TMEM43: variants seen among roughly 807,000 people sequenced by gnomAD.
The protein encoded by TMEM43 is transmembrane protein 43.
In TMEM43, 45 loss-of-function variants were observed where a neutral mutation model predicts 49.6. That is an observed-to-expected ratio of 0.91 (90% CI 0.71 to 1.16). The LOEUF (loss-of-function observed/expected upper bound fraction) is 1.16. Among genes scored for constraint, TMEM43 ranks in the 50% most tolerant of loss-of-function variants. The pLI, the probability that TMEM43 is intolerant of heterozygous loss-of-function variation, is 0.00. For missense variants in TMEM43, 532 were observed against 516.6 expected, an observed-to-expected ratio of 1.03 and a Z score of -0.29; for synonymous variants, 199 against 207.8, an observed-to-expected ratio of 0.96 and a Z score of 0.36.
In TMEM43 at chr3:14,135,202, C is replaced by T. The variant is rs374222050; in HGVS notation, c.750C>T (p.Gly250=). 26 of 1,612,652 alleles carry T rather than the reference C, an allele frequency of 1.6e-5. No homozygotes were observed. The East Asian group carries it at 2.0e-4, about 12-fold the overall frequency. ...CCTTTTCCTATGCTGGACTGAGCGG[C>T]GATGACCCTGACCTGGGCCCAGCTC... ...RVSFSYAGLS[G]DDPDLGPAHV... The change falls in exon 9 of 12, where the codon GGC becomes GGT. Residue 250 remains glycine, a synonymous_variant. Transcript: ENST00000306077.
In TMEM43 at chr3:14,131,679, G is replaced by GCTGTTGGGGTGAAAACT. The variant is rs745331190; in HGVS notation, c.392+16_392+32dup. 3 of 1,611,008 alleles carry GCTGTTGGGGTGAAAACT rather than the reference G, an allele frequency of 1.9e-6. No individual in the cohort carries two copies. Among genetic ancestry groups the GCTGTTGGGGTGAAAACT allele is most frequent in the East Asian group, 2.2e-5 (1 of 44,864 alleles). On this transcript the variant is annotated splice_donor_region_variant and intron_variant, in intron 4 of 11. Transcript: ENST00000306077. ...GGTAGAAACTGAGGAGTCCAGGTGA[G>GCTGTTGGGGTGAAAACT]CTGTTGGGGTGAAAACTCTGTTGGG...
At chr3:14,126,494 C>G (rs535930089) in intron 1 of TMEM43, among the ~76,000 whole-genome samples, 12 of 152,262 alleles carry the variant, frequency 7.9e-5, no homozygotes, top group Admixed American at 5.9e-4. Context: ...GTTAGGGAGA[C>G]CTGGGGGCAA....
chr3:14,136,686 G>GCTCACGCAGCCGCCCCTCC (rs1574940075), intron 10 of TMEM43, among the ~76,000 whole-genome samples: 2 of 150,104 alleles, frequency 1.3e-5, no homozygotes, highest in Admixed American at 6.7e-5. Flanking sequence ...CCACAGCCCA[G>GCTCACGCAGCCGCCCCTCC]AGCGGGGAGA....
chr3:14,139,673 C>T (rs1036233052), intron 11 of TMEM43, among the ~76,000 whole-genome samples: 1 of 152,228 alleles, frequency 6.6e-6, no homozygotes, highest in Non-Finnish European at 1.5e-5. Flanking sequence ...GATGCTTGGC[C>T]GTTCCCTTCC....
chr3:14,136,537 C>T (rs1273746022), intron 10 of TMEM43, among the ~76,000 whole-genome samples: 1 of 152,202 alleles, frequency 6.6e-6, no homozygotes, highest in Non-Finnish European at 1.5e-5. Context: ...AGTGATCAAG[C>T]AGGGCCTCTG....
chr3:14,140,580 C>T (rs968901483), intron 11 of TMEM43, among the ~76,000 whole-genome samples: 4 of 152,174 alleles, frequency 2.6e-5, no homozygotes, highest in East Asian at 1.9e-4. Flanking sequence ...TGGGCCCATA[C>T]GGTCTTGAGT....
chr3:14,132,555 C>T lies in TMEM43; in HGVS notation c.402C>T (p.Thr134=), dbSNP rs370422391. 1.2e-4 allele frequency: 187 copies of T among 1,614,084 alleles called. No homozygotes were observed. The Middle Eastern group carries it at 1.3e-3, about 11-fold the overall frequency. ...TTTGCTTTCCCTGCAGGGAGTACACCGAGGATGGGCAGGTGAAGAAGGAGA... is the reference window on the plus strand; with the variant it reads ...TTTGCTTTCCCTGCAGGGAGTACACTGAGGATGGGCAGGTGAAGAAGGAGA... ...WVETEESREY[T]EDGQVKKETR... Residue 134 remains threonine (T), a synonymous_variant, in exon 5 of 12, where the codon ACC becomes ACT. Transcript: ENST00000306077.
Position 14,129,606 on chromosome 3 carries a change from A to G in TMEM43, c.162+45A>G, listed in dbSNP as rs370648194. On this transcript the variant is annotated intron_variant, in intron 2 of 11. Coordinates refer to ENST00000306077, the MANE Select transcript of TMEM43 (RefSeq NM_024334.3). ...CCTGTGCAGAGTGAGAGTCCCCACC[A>G]TGTCAGAGAGCAAAGGCGATGAACC... 1.1e-5 allele frequency: 18 copies of G among 1,610,218 alleles called. No homozygotes were observed. In the African/African-American group the frequency reaches 1.9e-4, roughly 17 times the overall value.
chr3:14,133,793 G>A lies in TMEM43; in HGVS notation c.567G>A (p.Arg189=), dbSNP rs747128659. Residue 189 remains arginine (R), a synonymous_variant, in exon 7 of 12, where the codon AGG becomes AGA. Transcript: ENST00000306077. ...MATAPFVQIG[R]FFLSSGLIDK... ...CAGCCCCCTTTGTCCAAATTGGCAG[G>A]TTTTTCCTCTCGTCAGGTAAGTCTC... is the stretch of plus-strand genomic sequence containing the variant. 2 of 1,614,180 alleles carry A rather than the reference G, an allele frequency of 1.2e-6. No individual in the cohort carries two copies. Among genetic ancestry groups the A allele is most frequent in the Non-Finnish European group, 1.7e-6 (2 of 1,180,004 alleles).
Position 14,125,107 on chromosome 3 carries a change from C to T in TMEM43, c.-87C>T. 1 of 1,562,942 alleles carries T rather than the reference C, an allele frequency of 6.4e-7. No homozygotes were observed. On this transcript the variant is annotated 5_prime_UTR_variant, in exon 1 of 12. Transcript: ENST00000306077. Reference sequence around the variant, plus strand: ...CGCGGATTTTCGAAGCTGGGGCTGGCAAGAGGCCGCTGGACACCACGCTCC... The same window carrying T: ...CGCGGATTTTCGAAGCTGGGGCTGGTAAGAGGCCGCTGGACACCACGCTCC...
chr3:14,127,536 C>G (rs1253486616), intron 1 of TMEM43, among the ~76,000 whole-genome samples: 1 of 152,178 alleles, frequency 6.6e-6, no homozygotes, highest in Non-Finnish European at 1.5e-5. Context: ...AATCCTAACT[C>G]TTCCTCTTAG....
At chr3:14,131,191 T>C (rs538394864) in intron 3 of TMEM43, among the ~76,000 whole-genome samples, 15 of 152,206 alleles carry the variant, frequency 9.9e-5, no homozygotes, top group Non-Finnish European at 2.1e-4. Flanking sequence ...TTGGTGAGAT[T>C]AGGTAACTAA....
rs41284009 is a variant in TMEM43, at chr3:14,132,818, G to A, written c.443-48G>A. Reference sequence around the variant, plus strand: ...GGAGCTGGGCTGGTGGGTCTCAGCCGCGTGCCACTCCTACCCGGGCTCTGA... The same window carrying A: ...GGAGCTGGGCTGGTGGGTCTCAGCCACGTGCCACTCCTACCCGGGCTCTGA... On this transcript the variant is annotated intron_variant, in intron 5 of 11. Transcript: ENST00000306077. The A allele has an allele frequency of 8.7e-3, 13,799 of 1,578,646 alleles. 71 individuals are homozygous for A. Among genetic ancestry groups the A allele is most frequent in the Non-Finnish European group, 9.6e-3 (11,058 of 1,147,978 alleles).
At chr3:14,137,254 TAGA>T (rs1695181353) in intron 10 of TMEM43, 1 of 139,724 alleles carries the variant, frequency 7.2e-6, no homozygotes, top group Non-Finnish European at 1.5e-5. Flanking sequence ...CCTCCCAGCC[TAGA>T]AGGCCATGAG....
At chr3:14,138,013 A>T (rs191799531) in intron 10 of TMEM43, 74 of 152,332 alleles carry the variant, frequency 4.9e-4, no homozygotes, top group African/African-American at 1.7e-3. Context: ...ATTAAATAAT[A>T]CTTGTAAAAC....
At chr3:14,135,298 T>G (rs1695153939) in intron 9 of TMEM43, 66 bp downstream of exon 9, 3 of 1,376,114 alleles carry the variant, frequency 2.2e-6, no homozygotes, top group Non-Finnish European at 3.1e-6. Flanking sequence ...CACAGACACC[T>G]TGGTCAATGT....
intron 10 of TMEM43, among the ~76,000 whole-genome samples, chr3:14,138,264 G>C (rs1484755399): frequency 6.6e-6 from 1 of 152,186 alleles, no homozygotes; most frequent in Non-Finnish European, 1.5e-5. Context: ...ACCTGGACTG[G>C]GGACAGCAGC....
At chr3:14,128,906 C>T (rs1695054986) in intron 1 of TMEM43, 3 of 454,920 alleles carry the variant, frequency 6.6e-6, no homozygotes, top group Non-Finnish European at 1.3e-5. Context: ...TGATTCAGCA[C>T]ACTGTGGTAT....
In TMEM43 at chr3:14,129,429, C is replaced by G. The variant is rs757554576; in HGVS notation, c.30C>G (p.Thr10=). The change falls in exon 2 of 12, where the codon ACC becomes ACG. Residue 10 remains threonine, a synonymous_variant. Transcript: ENST00000306077. MAANYSSTS[T]RREHVKVKTS... is the part of the protein sequence containing the mutation. The stretch of plus-strand genomic sequence containing the variant: ...TTCTTCAGTATTCCAGTACCAGTAC[C>G]CGGAGAGAACATGTCAAAGTTAAAA... 2.5e-6 allele frequency: 4 copies of G among 1,613,538 alleles called. No homozygotes were observed. The highest frequency in any genetic ancestry group is 1.3e-5 in the African/African-American group (1 of 74,728).
Sources: allele counts gnomAD v4.1 joint callset (sites outside exome capture counted in the v4.1 genomes callset), GRCh38; gene constraint gnomAD v4.1.1; transcripts MANE v1.5; gene names NCBI Gene and HGNC (gene_info 2026-07-23, HGNC 2026-07-21).